TSPAN18: variants seen among roughly 807,000 people sequenced by gnomAD.
The protein encoded by TSPAN18 is tetraspanin 18.
Under a neutral mutation model 27.3 loss-of-function variants are expected in TSPAN18, and 14 were observed. That is an observed-to-expected ratio of 0.51 (90% CI 0.34 to 0.80). TSPAN18 has a LOEUF of 0.80. Ranked by LOEUF, TSPAN18 falls within the 30% of genes least tolerant of loss-of-function variation. TSPAN18 has a pLI of 0.01. For synonymous variants in TSPAN18, 143 were observed against 136.5 expected, an observed-to-expected ratio of 1.05 and a Z score of -0.33; for missense variants, 268 against 323.9, an observed-to-expected ratio of 0.83 and a Z score of 1.32.
At chr11:44,781,871 C>A (rs1855947157) in intron 2 of TSPAN18, among the ~76,000 whole-genome samples, 3 of 152,186 alleles carry the variant, frequency 2.0e-5, no homozygotes, top group Admixed American at 2.0e-4. Context: ...CAGAGGCAAC[C>A]ACTGGTCTGC....
At chr11:44,878,983 G>T (rs1858415092) in intron 3 of TSPAN18, among the ~76,000 whole-genome samples, 1 of 152,154 alleles carries the variant, frequency 6.6e-6, no homozygotes, top group African/African-American at 2.4e-5. Flanking sequence ...CCTCCCCAGG[G>T]CTGGCTTCAC....
intron 2 of TSPAN18, among the ~76,000 whole-genome samples, chr11:44,836,734 G>A (rs1453516380): frequency 1.3e-5 from 2 of 152,184 alleles, no homozygotes; most frequent in East Asian, 1.9e-4. Context: ...ACATTAAGCT[G>A]ATGCCAGTGC....
In TSPAN18 at chr11:44,927,398, C is replaced by T. The variant is rs547049639; in HGVS notation, c.699+641C>T. ...GAGCGTTGCCCACATCTGACCAAAC[C>T]CAGGAAGGGGCACTCTGGGGCCTCA... is the stretch of plus-strand genomic sequence containing the variant. On this transcript the variant is annotated intron_variant, in intron 9 of 9. Transcript: ENST00000520358. Among the ~76,000 whole-genome samples the T allele has an allele frequency of 5.9e-5, 9 of 152,302 alleles. No individual in the cohort carries two copies. In the East Asian group the frequency reaches 1.7e-3, roughly 29 times the overall value.
intron 2 of TSPAN18, among the ~76,000 whole-genome samples, chr11:44,799,317 C>T (rs1856422950): frequency 6.6e-6 from 1 of 152,184 alleles, no homozygotes. Flanking sequence ...CGCACCCCAC[C>T]CCAACTTCGG....
intron 3 of TSPAN18, among the ~76,000 whole-genome samples, chr11:44,860,806 A>G (rs1008118235): frequency 1.3e-5 from 2 of 152,324 alleles, no homozygotes; most frequent in South Asian, 2.1e-4. Context: ...ACTGTTGCCC[A>G]GGTAAGCAAG....
At chr11:44,811,600 C>T (rs1856717926) in intron 2 of TSPAN18, among the ~76,000 whole-genome samples, 1 of 152,058 alleles carries the variant, frequency 6.6e-6, no homozygotes, top group South Asian at 2.1e-4. Context: ...GCTGGGATTA[C>T]AGGCACCCGC....
At chr11:44,801,779 C>T (rs528897805) in intron 2 of TSPAN18, among the ~76,000 whole-genome samples, 3 of 152,252 alleles carry the variant, frequency 2.0e-5, no homozygotes, top group African/African-American at 7.2e-5. Context: ...CACCTGTAAT[C>T]GCAGCACTTT....
chr11:44,917,958 T>C lies in TSPAN18; in HGVS notation c.259-14T>C, dbSNP rs761463807. The C allele has an allele frequency of 6.2e-6, 10 of 1,613,900 alleles. No individual in the cohort carries two copies. The East Asian group carries it at 2.2e-4, about 36-fold the overall frequency. On this transcript the variant is annotated splice_polypyrimidine_tract_variant and intron_variant, in intron 5 of 9. Coordinates refer to ENST00000520358, the MANE Select transcript of TSPAN18 (RefSeq NM_130783.5). ...CTGCCCTCTGGGCTCACAAGGCTGT[T>C]CCTCTCCCTGCAGTTCTTCCTGTTC...
chr11:44,787,118 C>A (rs1353788515), intron 2 of TSPAN18, among the ~76,000 whole-genome samples: 1 of 152,162 alleles, frequency 6.6e-6, no homozygotes, highest in East Asian at 1.9e-4. Flanking sequence ...GATTCTAAAT[C>A]TATGCAAATT....
At chr11:44,772,937 G>C (rs139411127) in intron 2 of TSPAN18, among the ~76,000 whole-genome samples, 10 of 152,014 alleles carry the variant, frequency 6.6e-5, no homozygotes, top group African/African-American at 2.2e-4. Context: ...GATTACAGGC[G>C]TGAGCCACTG....
chr11:44,916,141 C>T (rs958538352), intron 5 of TSPAN18, among the ~76,000 whole-genome samples: 16 of 152,182 alleles, frequency 1.1e-4, no homozygotes, highest in Admixed American at 5.2e-4. Flanking sequence ...GTTTTATGTC[C>T]GTGTGCTGAA....
chr11:44,750,037 A>C (rs980279764), intron 1 of TSPAN18, among the ~76,000 whole-genome samples: 8 of 152,170 alleles, frequency 5.3e-5, no homozygotes, highest in Non-Finnish European at 1.0e-4. Flanking sequence ...CCTCACTTTG[A>C]TATCTCCTAG....
intron 2 of TSPAN18, among the ~76,000 whole-genome samples, chr11:44,775,574 G>T (rs554349234): frequency 6.6e-6 from 1 of 151,838 alleles, no homozygotes; most frequent in Non-Finnish European, 1.5e-5. Context: ...GACTGCAAAG[G>T]TTTGGTTTGC....
chr11:44,799,148 C>G (rs1268737925), intron 2 of TSPAN18, among the ~76,000 whole-genome samples: 1 of 151,898 alleles, frequency 6.6e-6, no homozygotes, highest in African/African-American at 2.4e-5. Context: ...CACAATGGAA[C>G]TCTTGTGAAA....
At chr11:44,849,560 G>A (rs529337437) in intron 2 of TSPAN18, among the ~76,000 whole-genome samples, 7 of 152,284 alleles carry the variant, frequency 4.6e-5, no homozygotes, top group Admixed American at 3.3e-4. Context: ...TGGGGGTGTG[G>A]CCTCCCAGGG....
chr11:44,911,217 C>T (rs1340919266), intron 5 of TSPAN18, among the ~76,000 whole-genome samples: 2 of 152,110 alleles, frequency 1.3e-5, no homozygotes, highest in Admixed American at 6.5e-5. Flanking sequence ...AATTCGTGGG[C>T]GGAGTTAAAT....
chr11:44,896,002 A>T (rs1244826491), intron 3 of TSPAN18, among the ~76,000 whole-genome samples: 1 of 152,146 alleles, frequency 6.6e-6, no homozygotes, highest in Non-Finnish European at 1.5e-5. Flanking sequence ...TCATTCTGTA[A>T]AAACCACTCA....
At chr11:44,836,153 A>G (rs1275861576) in intron 2 of TSPAN18, among the ~76,000 whole-genome samples, 2 of 152,332 alleles carry the variant, frequency 1.3e-5, no homozygotes, top group Non-Finnish European at 1.5e-5. Flanking sequence ...TAAACTTCAT[A>G]AGGAAGGCAT....
chr11:44,892,825 G>T (rs893268749), intron 3 of TSPAN18, among the ~76,000 whole-genome samples: 1 of 152,242 alleles, frequency 6.6e-6, no homozygotes, highest in Non-Finnish European at 1.5e-5. Context: ...AGGCTAGTGA[G>T]CCGCAGTTTC....
Sources: allele counts gnomAD v4.1 joint callset (sites outside exome capture counted in the v4.1 genomes callset), GRCh38; gene constraint gnomAD v4.1.1; transcripts MANE v1.5; gene names NCBI Gene and HGNC (gene_info 2026-07-23, HGNC 2026-07-21).